Variants in TESK2 observed in about 807,000 individuals in gnomAD.
TESK2 encodes dual specificity testis-specific protein kinase 2.
A neutral mutation model predicts 57.1 loss-of-function variants in TESK2; 39 were observed. That is an observed-to-expected ratio of 0.68 (90% CI 0.53 to 0.89). The LOEUF (loss-of-function observed/expected upper bound fraction) is 0.89. Ranked by LOEUF, TESK2 falls within the 40% of genes least tolerant of loss-of-function variation. The probability of loss-of-function intolerance (pLI) is 0.00; values close to 1 mark genes in which losing one functional copy is unlikely to be tolerated. For synonymous variants in TESK2, 249 were observed against 267.9 expected, an observed-to-expected ratio of 0.93 and a Z score of 0.69; for missense variants, 646 against 732.1, an observed-to-expected ratio of 0.88 and a Z score of 1.36.
chr1:45,476,074 T>TG (rs1325473526), intron 1 of TESK2, among the ~76,000 whole-genome samples: 1 of 152,240 alleles, frequency 6.6e-6, no homozygotes, highest in Admixed American at 6.5e-5. Flanking sequence ...TGTGATCATG[T>TG]GAGCCAATCT....
chr1:45,471,242 G>A (rs1245929212), intron 1 of TESK2, among the ~76,000 whole-genome samples: 1 of 151,856 alleles, frequency 6.6e-6, no homozygotes, highest in African/African-American at 2.4e-5. Flanking sequence ...AAAAAAAGAA[G>A]CGGAGGAGCC....
intron 4 of TESK2, among the ~76,000 whole-genome samples, chr1:45,356,854 A>G (rs998009742): frequency 1.3e-5 from 2 of 152,136 alleles, no homozygotes; most frequent in South Asian, 4.1e-4. Context: ...AAATCAACAG[A>G]ATCCCAAGGA....
In TESK2 at chr1:45,345,732, G is replaced by A. The variant is rs1003256355; in HGVS notation, c.997+145C>T. 9 of 896,088 alleles carry A rather than the reference G, an allele frequency of 1.0e-5. No homozygotes were observed. In the Admixed American group the frequency reaches 1.8e-4, roughly 18 times the overall value. 55.5% of individuals were successfully genotyped at this position (896,088 alleles called of 1,614,324 possible). On this transcript the variant is annotated intron_variant, in intron 10 of 10. Coordinates refer to ENST00000372086, the MANE Select transcript of TESK2 (RefSeq NM_007170.3). ...TATGCCAAGCCACAGCTCTTAAAAA[G>A]GCCAGTACTTTCTGCATCATCTCCT... is the stretch of plus-strand genomic sequence containing the variant.
chr1:45,385,658 C>G (rs911945017), intron 4 of TESK2, among the ~76,000 whole-genome samples: 1 of 150,790 alleles, frequency 6.6e-6, no homozygotes, highest in African/African-American at 2.5e-5. Flanking sequence ...TTAAGAAATA[C>G]TGCCCATTCT....
At chr1:45,403,480 C>T (rs890884663) in intron 3 of TESK2, among the ~76,000 whole-genome samples, 3 of 152,194 alleles carry the variant, frequency 2.0e-5, no homozygotes, top group Admixed American at 1.3e-4. Flanking sequence ...CCACCAGAGT[C>T]TCACATCAGG....
intron 1 of TESK2, among the ~76,000 whole-genome samples, chr1:45,475,738 A>T (rs1374250133): frequency 6.6e-6 from 1 of 152,154 alleles, no homozygotes; most frequent in East Asian, 1.9e-4. Flanking sequence ...CCCACCCTCA[A>T]TCTGGGTGGG....
At chr1:45,474,209 T>C (rs953229322) in intron 1 of TESK2, among the ~76,000 whole-genome samples, 16 of 151,946 alleles carry the variant, frequency 1.1e-4, no homozygotes, top group Non-Finnish European at 4.4e-5. Flanking sequence ...TGGTGGTGCA[T>C]GCCTGTAGTC....
At chr1:45,384,198 T>A (rs1648767566) in intron 4 of TESK2, among the ~76,000 whole-genome samples, 1 of 152,206 alleles carries the variant, frequency 6.6e-6, no homozygotes, top group South Asian at 2.1e-4. Context: ...TCTTTCCTTT[T>A]CATTACAGGC....
chr1:45,459,113 C>T (rs896650291), intron 1 of TESK2, among the ~76,000 whole-genome samples: 8 of 152,186 alleles, frequency 5.3e-5, no homozygotes, highest in African/African-American at 1.4e-4. Context: ...AAGTCAGCAC[C>T]GTACCCAGTG....
intron 4 of TESK2, among the ~76,000 whole-genome samples, chr1:45,356,097 A>C (rs938615112): frequency 4.6e-5 from 7 of 152,132 alleles, no homozygotes; most frequent in Non-Finnish European, 7.4e-5. Flanking sequence ...AGAGAAAGGG[A>C]AATAGGAGAT....
chr1:45,354,681 C>T (rs935160330), intron 5 of TESK2, among the ~76,000 whole-genome samples: 3 of 142,380 alleles, frequency 2.1e-5, no homozygotes, highest in South Asian at 2.4e-4. Flanking sequence ...CCCAGCTATT[C>T]GGGAGGCTGA....
chr1:45,476,564 CTA>C (rs1292711235), intron 1 of TESK2, among the ~76,000 whole-genome samples: 1 of 151,956 alleles, frequency 6.6e-6, no homozygotes, highest in East Asian at 1.9e-4. Context: ...AATGAGGTAG[CTA>C]GCCAGGCGCG....
chr1:45,465,039 C>T (rs1196350042), intron 1 of TESK2, among the ~76,000 whole-genome samples: 14 of 152,058 alleles, frequency 9.2e-5, no homozygotes, highest in Non-Finnish European at 5.9e-5. Context: ...GAGTTCGAGA[C>T]CGGCCTGGCC....
In TESK2 at chr1:45,365,087, T is replaced by A. The variant is rs183484541; in HGVS notation, c.394-9638A>T. Among the ~76,000 whole-genome samples, 631 of 152,288 alleles carry A rather than the reference T, an allele frequency of 4.1e-3. 3 individuals are homozygous for A. Among genetic ancestry groups the A allele is most frequent in the African/African-American group, 0.015 (610 of 41,564 alleles). ...CTCCAAACACAAAGGCTAGCCGACA[T>A]CCCATCCTGCTGGCTTGGGTTAAGG... On this transcript the variant is annotated intron_variant, in intron 4 of 10. Coordinates refer to ENST00000372086, the MANE Select transcript of TESK2 (RefSeq NM_007170.3).
intron 3 of TESK2, among the ~76,000 whole-genome samples, chr1:45,417,855 T>A (rs1410437467): frequency 6.6e-6 from 1 of 152,194 alleles, no homozygotes; most frequent in African/African-American, 2.4e-5. Context: ...CCTCCTAAAG[T>A]GCTGGGATTA....
At chr1:45,477,273 A>G (rs971890365) in intron 1 of TESK2, among the ~76,000 whole-genome samples, 2 of 151,874 alleles carry the variant, frequency 1.3e-5, no homozygotes, top group African/African-American at 4.8e-5. Flanking sequence ...TACAAAAGAT[A>G]TAGTCATTAA....
intron 5 of TESK2, among the ~76,000 whole-genome samples, chr1:45,348,535 C>G (rs952880400): frequency 1.3e-5 from 2 of 152,248 alleles, no homozygotes; most frequent in African/African-American, 2.4e-5. Flanking sequence ...CTTTATCCAA[C>G]TGGCCTAGCC....
In TESK2 at chr1:45,343,993, G is replaced by C. The variant is rs1647100684; in HGVS notation, c.*847C>G. On this transcript the variant is annotated 3_prime_UTR_variant, in exon 11 of 11. Coordinates refer to ENST00000372086, the MANE Select transcript of TESK2 (RefSeq NM_007170.3). This position sits in a 1 kb window ranked among gnomAD's most constrained non-coding sequence, Gnocchi z 4.3. ...AAAATATTTGACCAGCTTCATCTTT[G>C]GTTATTTCTTATTGCAGCTCTGTAA... is the stretch of plus-strand genomic sequence containing the variant. The C allele has an allele frequency of 2.9e-6, 1 of 349,492 alleles. No individual in the cohort carries two copies. Among genetic ancestry groups the C allele is most frequent in the Admixed American group, 4.4e-5 (1 of 22,858 alleles). The allele number at this position is 349,492 out of a possible 1,614,324, so 21.6% of individuals were successfully genotyped here.
chr1:45,385,950 C>T lies in TESK2; in HGVS notation c.355G>A (p.Val119Ile). ...SHPNILRFMG[V>I]CVHQGQLHAL... is the part of the protein sequence containing the mutation. ...TGCAATTGTCCTTGATGAACACATA[C>T]ACCCATGAACCTAAAGAACAAGACA... The change falls in exon 4 of 11, where the codon GTA becomes ATA. Residue 119 changes from valine to isoleucine, a missense_variant. Coordinates refer to ENST00000372086, the MANE Select transcript of TESK2 (RefSeq NM_007170.3). 6.2e-7 allele frequency: 1 copy of T among 1,605,304 alleles called. No individual in the cohort carries two copies. The highest frequency in any genetic ancestry group is 1.1e-5 in the South Asian group (1 of 90,268).
Sources: allele counts gnomAD v4.1 joint callset (sites outside exome capture counted in the v4.1 genomes callset), GRCh38; gene constraint gnomAD v4.1.1; non-coding constraint Gnocchi (gnomAD v3.1); transcripts MANE v1.5; gene names NCBI Gene and HGNC (gene_info 2026-07-23, HGNC 2026-07-21).